The following LRRTM4 variants were observed in gnomAD, a reference collection of about 807,000 sequenced individuals.
LRRTM4 encodes the protein leucine rich repeat transmembrane neuronal 4, also known as leucine-rich repeat transmembrane neuronal protein 4.
Under a neutral mutation model 47.6 loss-of-function variants are expected in LRRTM4, and 25 were observed. That is an observed-to-expected ratio of 0.53 (90% confidence interval 0.38 to 0.73). LRRTM4 has a LOEUF of 0.73. LRRTM4 is among the 30% of genes least tolerant of loss of function. The probability of loss-of-function intolerance (pLI) is 0.00; values close to 1 mark genes in which losing one functional copy is unlikely to be tolerated. For synonymous variants in LRRTM4, 311 were observed against 269.5 expected, an observed-to-expected ratio of 1.15 and a Z score of -1.51; for missense variants, 638 against 713.4, an observed-to-expected ratio of 0.89 and a Z score of 1.20.
At chr2:76,790,843 C>T (rs552785898) in intron 3 of LRRTM4, among the ~76,000 whole-genome samples, 1 of 152,248 alleles carries the variant, frequency 6.6e-6, no homozygotes, top group Non-Finnish European at 1.5e-5. Flanking sequence ...GCATGTTTCT[C>T]TACTAGAAAA....
chr2:76,925,707 A>G (rs1356954643), intron 3 of LRRTM4, among the ~76,000 whole-genome samples: 1 of 152,072 alleles, frequency 6.6e-6, no homozygotes, highest in Non-Finnish European at 1.5e-5. Context: ...ATGTCTCACT[A>G]ACACAATTTT....
chr2:77,373,221 T>A (rs1285224970), intron 3 of LRRTM4, among the ~76,000 whole-genome samples: 1 of 150,890 alleles, frequency 6.6e-6, no homozygotes, highest in Non-Finnish European at 1.5e-5. Context: ...GATAGGCAAC[T>A]TGTAATAGGG....
At chr2:77,441,054 C>T (rs1195671660) in intron 3 of LRRTM4, among the ~76,000 whole-genome samples, 1 of 152,176 alleles carries the variant, frequency 6.6e-6, no homozygotes, top group Non-Finnish European at 1.5e-5. Flanking sequence ...GCCAAAAGAA[C>T]TTGATTTTGT....
At chr2:76,818,790 C>T (rs960865546) in intron 3 of LRRTM4, among the ~76,000 whole-genome samples, 1 of 151,454 alleles carries the variant, frequency 6.6e-6, no homozygotes, top group Non-Finnish European at 1.5e-5. Context: ...TTCAAAAAAA[C>T]CAGTTAATCC....
At chr2:77,438,943 T>G (rs1339986890) in intron 3 of LRRTM4, among the ~76,000 whole-genome samples, 1 of 152,186 alleles carries the variant, frequency 6.6e-6, no homozygotes, top group East Asian at 1.9e-4. Context: ...CATACTGCAA[T>G]TGAACTATAC....
chr2:77,058,008 A>G (rs995009064), intron 3 of LRRTM4, among the ~76,000 whole-genome samples: 37 of 152,102 alleles, frequency 2.4e-4, no homozygotes, highest in African/African-American at 7.2e-4. Flanking sequence ...TGTTCCTCCA[A>G]TAAATTTTTG....
In LRRTM4 at chr2:77,344,091, A is replaced by T. The variant is rs550360618; in HGVS notation, c.1551+174227T>A. On this transcript the variant is annotated intron_variant, in intron 3 of 3. Transcript: ENST00000409884. ...TGATTTGTGCTTATAGAAGTGTGTA[A>T]AACAAACAAAAAAGGAATCAACAGA... 5.3e-5 allele frequency among the ~76,000 whole-genome samples: 8 copies of T among 152,002 alleles called. No homozygotes were observed. In the South Asian group the frequency reaches 1.4e-3, roughly 28 times the overall value.
intron 3 of LRRTM4, among the ~76,000 whole-genome samples, chr2:77,392,474 G>A (rs1227113422): frequency 6.6e-6 from 1 of 151,984 alleles, no homozygotes; most frequent in Admixed American, 6.6e-5. Context: ...CACCATCAAT[G>A]GATGAATGGA....
intron 3 of LRRTM4, among the ~76,000 whole-genome samples, chr2:77,297,719 T>G (rs746231453): frequency 1.6e-4 from 25 of 152,208 alleles, no homozygotes; most frequent in Non-Finnish European, 3.1e-4. Flanking sequence ...ATTTTCACTC[T>G]TCTATTAAAA....
At chr2:76,849,087 G>T (rs976541998) in intron 3 of LRRTM4, among the ~76,000 whole-genome samples, 4 of 151,922 alleles carry the variant, frequency 2.6e-5, no homozygotes, top group African/African-American at 9.7e-5. Flanking sequence ...AGTGTCCCCT[G>T]AAGTATAATG....
At chr2:77,176,265 C>T (rs1673196333) in intron 3 of LRRTM4, among the ~76,000 whole-genome samples, 1 of 152,190 alleles carries the variant, frequency 6.6e-6, no homozygotes, top group Non-Finnish European at 1.5e-5. Flanking sequence ...ATCAATGCCT[C>T]TTCATACTGG....
intron 3 of LRRTM4, among the ~76,000 whole-genome samples, chr2:76,873,172 G>A (rs1672675262): frequency 6.6e-6 from 1 of 152,008 alleles, no homozygotes; most frequent in Admixed American, 6.6e-5. Context: ...TGTCTTTGTA[G>A]ACAGTGCTGA....
At chr2:77,044,747 G>C (rs1048352697) in intron 3 of LRRTM4, among the ~76,000 whole-genome samples, 9 of 150,890 alleles carry the variant, frequency 6.0e-5, no homozygotes, top group African/African-American at 1.9e-4. Context: ...CCTATATATA[G>C]ACAGACATAT....
intron 3 of LRRTM4, among the ~76,000 whole-genome samples, chr2:76,774,844 G>C (rs1457980610): frequency 6.6e-6 from 1 of 152,194 alleles, no homozygotes; most frequent in East Asian, 1.9e-4. Context: ...TATCATAGGA[G>C]TGTTCACGTA....
In LRRTM4 at chr2:77,518,373, G is replaced by A. The variant is rs1201930860; in HGVS notation, c.1496C>T (p.Ser499Leu). Residue 499 changes from serine to leucine, a missense_variant, in exon 3 of 4, where the codon TCG (serine) becomes TTG (leucine). Ser to Leu is a moderately radical substitution (Grantham distance 145). Coordinates refer to ENST00000409884, the MANE Select transcript of LRRTM4 (RefSeq NM_001134745.3). ...TGTGCAGGGCCCAGATCCATTAACC[G>A]ATATATCCATGGTCTCAGAGTTTGT... ...KPTNSETMDISVNGSGPCTYT... is the reference protein window; with the variant it reads ...KPTNSETMDILVNGSGPCTYT... 9 of 1,612,754 alleles carry A rather than the reference G, an allele frequency of 5.6e-6. No homozygotes were observed. Among genetic ancestry groups the A allele is most frequent in the Admixed American group, 1.7e-5 (1 of 59,818 alleles).
intron 3 of LRRTM4, among the ~76,000 whole-genome samples, chr2:77,267,172 A>G (rs1676071959): frequency 6.6e-6 from 1 of 152,200 alleles, no homozygotes; most frequent in Non-Finnish European, 1.5e-5. Flanking sequence ...ATTGAAATCA[A>G]GAGAATAGAA....
chr2:77,322,410 G>A (rs975697153), intron 3 of LRRTM4, among the ~76,000 whole-genome samples: 1 of 152,038 alleles, frequency 6.6e-6, no homozygotes, highest in Admixed American at 6.6e-5. Flanking sequence ...AACTCTTAGT[G>A]TTTCAAGATG....
At chr2:77,164,453 G>C (rs1016741316) in intron 3 of LRRTM4, among the ~76,000 whole-genome samples, 1 of 152,174 alleles carries the variant, frequency 6.6e-6, no homozygotes, top group Non-Finnish European at 1.5e-5. Context: ...TCTGCACCAA[G>C]CAGACCTAAT....
intron 3 of LRRTM4, among the ~76,000 whole-genome samples, chr2:77,004,776 G>T (rs1290471471): frequency 6.6e-6 from 1 of 152,130 alleles, no homozygotes; most frequent in Non-Finnish European, 1.5e-5. Context: ...GCCGAATCCT[G>T]CAACTGCACA....
Sources: allele counts gnomAD v4.1 joint callset (sites outside exome capture counted in the v4.1 genomes callset), GRCh38; gene constraint gnomAD v4.1.1; transcripts MANE v1.5; gene names NCBI Gene and HGNC (gene_info 2026-07-23, HGNC 2026-07-21).